ZNF232: variants seen among roughly 807,000 people sequenced by gnomAD.
The protein encoded by ZNF232 is zinc finger protein 232.
Under a neutral mutation model 25.2 loss-of-function variants are expected in ZNF232, and 25 were observed. That is an observed-to-expected ratio of 0.99 (90% confidence interval 0.72 to 1.39). ZNF232 has a LOEUF of 1.39. ZNF232 is among the 40% of genes most tolerant of loss of function. The pLI is 0.00. For missense variants in ZNF232, 519 were observed against 520.9 expected, an observed-to-expected ratio of 1.00 and a Z score of 0.04; for synonymous variants, 193 against 182.9, an observed-to-expected ratio of 1.06 and a Z score of -0.45.
At chr17:5,115,577 A>ACACACACACACACACACACACACACACAC (rs1567761979), upstream of ZNF232, among the ~76,000 whole-genome samples, 2 of 79,020 alleles carry the variant, frequency 2.5e-5, no homozygotes, top group African/African-American at 1.0e-4. Context: ...CACACACACA[A>ACACACACACACACACACACACACACACAC]AACCCAAAAC....
At chr17:5,110,466 A>G (rs931105866) in intron 1 of ZNF232, among the ~76,000 whole-genome samples, 1 of 152,246 alleles carries the variant, frequency 6.6e-6, no homozygotes, top group African/African-American at 2.4e-5. Context: ...ATTGGAAGAA[A>G]TAAGTTTGAA....
chr17:5,120,827 G>T, intron 1 of ZNF232: 1 of 453,632 alleles, frequency 2.2e-6, no homozygotes, highest in Non-Finnish European at 4.4e-6. Context: ...ACACATGTGG[G>T]CACATGTGCT....
exon 1 of ZNF232, chr17:5,123,022 C>T (rs2072746590): frequency 6.5e-6 from 1 of 153,312 alleles, no homozygotes; most frequent in African/African-American, 2.4e-5. Context: ...CGTCTTCTGG[C>T]AGCTTGGTGG....
intron 3 of ZNF232, 40 bp from the exon 4 acceptor site, chr17:5,106,573 A>G (rs1415820815): frequency 1.3e-6 from 2 of 1,499,372 alleles, no homozygotes; most frequent in Non-Finnish European, 1.8e-6. Flanking sequence ...TAAAATGTAT[A>G]TTTCTGGAAT....
At chr17:5,119,435 C>G (rs1287662381) in intron 1 of ZNF232, among the ~76,000 whole-genome samples, 2 of 152,156 alleles carry the variant, frequency 1.3e-5, no homozygotes, top group Non-Finnish European at 2.9e-5. Context: ...CTCTTTTGTC[C>G]TTCTTCAGCC....
chr17:5,118,959 G>A (rs540717293), intron 1 of ZNF232, among the ~76,000 whole-genome samples: 29 of 152,156 alleles, frequency 1.9e-4, no homozygotes, highest in Non-Finnish European at 4.3e-4. Flanking sequence ...AGAACCAATC[G>A]GGAGGGAGTA....
intron 3 of ZNF232, among the ~76,000 whole-genome samples, chr17:5,108,174 G>T (rs1454919056): frequency 6.6e-6 from 1 of 152,084 alleles, no homozygotes; most frequent in Non-Finnish European, 1.5e-5. Flanking sequence ...GTGATGGGGG[G>T]GCAGTTATGG....
rs769313800 is a variant in ZNF232 at position 5,106,500 on chromosome 17, G to C, written c.632C>G (p.Thr211Arg). Residue 211 changes from threonine to arginine, a missense_variant, in exon 4 of 4, where the codon ACA (threonine) becomes AGA (arginine). Transcript: ENST00000575898. Reference sequence around the variant, plus strand: ...GTCCTTGGGCTCTGGGCCATCTTCTGTAACAACTGACAGAAAATGTAAATA... The same window carrying C: ...GTCCTTGGGCTCTGGGCCATCTTCTCTAACAACTGACAGAAAATGTAAATA... 1.2e-6 allele frequency: 2 copies of C among 1,611,638 alleles called. No individual in the cohort carries two copies. The highest frequency in any genetic ancestry group is 1.7e-6 in the Non-Finnish European group (2 of 1,178,602).
At chr17:5,120,761 G>A (rs1427621430) in intron 1 of ZNF232, 1 of 443,682 alleles carries the variant, frequency 2.3e-6, no homozygotes, top group Admixed American at 2.4e-5. Context: ...AGAGCTACAA[G>A]GATGCCAAGG....
chr17:5,109,469 T>G, exon 2 of ZNF232: 1 of 1,614,110 alleles, frequency 6.2e-7, no homozygotes, highest in Non-Finnish European at 8.5e-7. Flanking sequence ...TAGGGTGATG[T>G]CCCCGCACCC....
At chr17:5,117,533 G>C (rs1377887161) in intron 1 of ZNF232, among the ~76,000 whole-genome samples, 2 of 147,004 alleles carry the variant, frequency 1.4e-5, no homozygotes, top group Admixed American at 6.8e-5. Flanking sequence ...AAAAAAAAAA[G>C]CTCAATAAAT....
chr17:5,113,272 T>G (rs2072460515), upstream of ZNF232: 1 of 152,270 alleles, frequency 6.6e-6, no homozygotes, highest in African/African-American at 2.4e-5. Context: ...TATCATTTGT[T>G]GAATGTCTAC....
intron 1 of ZNF232, 148 bp downstream of exon 1, chr17:5,111,652 C>G (rs2072413794): frequency 8.5e-7 from 1 of 1,182,958 alleles, no homozygotes; most frequent in East Asian, 2.6e-5. Flanking sequence ...TAGCGCAGCG[C>G]GGGCACCACG....
chr17:5,115,654 ACCAC>A (rs1256323437), upstream of ZNF232, among the ~76,000 whole-genome samples: 1 of 152,022 alleles, frequency 6.6e-6, no homozygotes, highest in Admixed American at 6.5e-5. Flanking sequence ...TCAAGAAGCC[ACCAC>A]CCTGATACTC....
chr17:5,106,835 G>T (rs533340232), intron 3 of ZNF232, among the ~76,000 whole-genome samples: 4 of 152,208 alleles, frequency 2.6e-5, no homozygotes, highest in Admixed American at 2.6e-4. Flanking sequence ...CAAGGAATCA[G>T]GGAATGATGT....
chr17:5,108,433 G>A (rs1014288563), intron 3 of ZNF232, among the ~76,000 whole-genome samples: 3 of 152,112 alleles, frequency 2.0e-5, no homozygotes, highest in Non-Finnish European at 4.4e-5. Flanking sequence ...TTTACATGAG[G>A]AAGAGGTGGT....
rs925470119 is a variant in ZNF232, at chr17:5,109,988, C to T, written c.24-120G>A. 4 of 959,986 alleles carry T rather than the reference C, an allele frequency of 4.2e-6. No individual in the cohort carries two copies. In the African/African-American group the frequency reaches 6.7e-5, roughly 16 times the overall value. The allele number at this position is 959,986 out of a possible 1,614,324, so 59.5% of individuals were successfully genotyped here. A position where few individuals can be genotyped will look rare whatever the true frequency, so the allele number is the denominator to read the frequency against. ...CACTGCAACCTCCACCCCCGGGGTTCTAGCGATTCTCCTACCTCAGCCTCC... is the reference window on the plus strand; with the variant it reads ...CACTGCAACCTCCACCCCCGGGGTTTTAGCGATTCTCCTACCTCAGCCTCC... On this transcript the variant is annotated intron_variant, in intron 1 of 3. Transcript: ENST00000575898.
chr17:5,109,830 G>T, exon 2 of ZNF232: 1 of 1,613,714 alleles, frequency 6.2e-7, no homozygotes, highest in Non-Finnish European at 8.5e-7. Context: ...CACTAGCTCT[G>T]CAGAAGGCTC....
upstream of ZNF232, chr17:5,111,983 G>T: frequency 1.9e-6 from 2 of 1,053,316 alleles, no homozygotes; most frequent in South Asian, 3.3e-5. Context: ...CCGAGAGGCT[G>T]GGAGCCCGGG....
Sources: gnomAD v4.1 joint callset for allele counts (sites outside exome capture counted in the v4.1 genomes callset) on GRCh38, gnomAD v4.1.1 for gene constraint, MANE v1.5 for transcripts, NCBI Gene and HGNC (gene_info 2026-07-23, HGNC 2026-07-21) for gene names.